The following NSDHL variants were observed in gnomAD, a reference collection of about 807,000 sequenced individuals.
The protein encoded by NSDHL is NAD(P) dependent 3-beta-hydroxysteroid dehydrogenase NSDHL, also known as sterol-4-alpha-carboxylate 3-dehydrogenase, decarboxylating.
NSDHL carries 1 observed loss-of-function variant against 23.0 expected under a neutral mutation model. The ratio of observed to expected loss-of-function variants is 0.04; its 90% CI spans 0.02 to 0.21. NSDHL has a LOEUF of 0.21. NSDHL is among the 10% of genes least tolerant of loss of function. The pLI is 1.00. For missense variants in NSDHL, 237 were observed against 300.9 expected (o/e 0.79, Z 1.57); for synonymous variants, 128 against 121.1 (o/e 1.06, Z -0.37).
intron 2 of NSDHL, among the ~76,000 whole-genome samples, chrX:152,849,256 C>T (rs1317629851): frequency 8.9e-6 from 1 of 112,108 alleles, no homozygotes; most frequent in Non-Finnish European, 1.9e-5. Context: ...AACATAATTT[C>T]TTTAAGATCT....
At chrX:152,839,880 A>G (rs1159050805) in intron 1 of NSDHL, among the ~76,000 whole-genome samples, 1 of 112,389 alleles carries the variant, frequency 8.9e-6, no homozygotes, top group Non-Finnish European at 1.9e-5. Flanking sequence ...CCTGGATAAT[A>G]TCCTGCAGAG....
At chrX:152,832,062 C>G (rs185381876) in intron 1 of NSDHL, among the ~76,000 whole-genome samples, 113 of 111,258 alleles carry the variant, frequency 1.0e-3, no homozygotes, top group African/African-American at 3.3e-3. Context: ...GTGTCCCCTT[C>G]CATCGCTCCA....
chrX:152,856,635 A>G (rs1556846975), intron 3 of NSDHL, among the ~76,000 whole-genome samples: 1 of 112,108 alleles, frequency 8.9e-6, no homozygotes. Context: ...GCACAAAATG[A>G]ATGGGGACCT....
intron 2 of NSDHL, 72 bp from the exon 3 acceptor site, chrX:152,850,193 A>T (rs1933333658): frequency 1.4e-5 from 15 of 1,047,342 alleles, no homozygotes; most frequent in Admixed American, 2.2e-5. Context: ...GGCTCATGAT[A>T]TGTAAGTCTG....
At chrX:152,864,625 C>T (rs1267256366) in intron 5 of NSDHL, among the ~76,000 whole-genome samples, 38 of 112,184 alleles carry the variant, frequency 3.4e-4, no homozygotes, top group East Asian at 5.6e-4. Flanking sequence ...TCCTTTCAGC[C>T]GAGGTTGACA....
chrX:152,837,272 T>C (rs1181582526), intron 1 of NSDHL, among the ~76,000 whole-genome samples: 3 of 111,872 alleles, frequency 2.7e-5, no homozygotes, highest in Non-Finnish European at 3.8e-5. Context: ...CTTTTCCTAA[T>C]TGAATACCCT....
chrX:152,864,873 C>A (rs943705029), intron 5 of NSDHL, among the ~76,000 whole-genome samples: 30 of 111,642 alleles, frequency 2.7e-4, no homozygotes, highest in African/African-American at 9.8e-4. Flanking sequence ...CTTAAGATCA[C>A]TGGGGCCAAA....
chrX:152,864,111 C>T (rs1174833006), intron 5 of NSDHL, among the ~76,000 whole-genome samples: 3 of 111,280 alleles, frequency 2.7e-5, no homozygotes, highest in Non-Finnish European at 3.8e-5. Flanking sequence ...GGGGTTTCAC[C>T]GTGTTGGTCG....
chrX:152,867,738 G>C, intron 7 of NSDHL, 65 bp downstream of exon 7: 9 of 829,016 alleles, frequency 1.1e-5, no homozygotes, highest in Non-Finnish European at 1.6e-5. Flanking sequence ...CTTGCCATTG[G>C]ATTTGCTGGC....
intron 1 of NSDHL, among the ~76,000 whole-genome samples, chrX:152,837,747 C>A (rs1226290613): frequency 9.0e-6 from 1 of 111,700 alleles, no homozygotes; most frequent in East Asian, 2.8e-4. Context: ...GGATATTGGT[C>A]TAAAATTCTC....
intron 1 of NSDHL, among the ~76,000 whole-genome samples, chrX:152,844,426 G>A (rs1431698713): frequency 1.8e-5 from 2 of 112,179 alleles, no homozygotes; most frequent in Non-Finnish European, 3.8e-5. Context: ...TGCTTAGCCC[G>A]GCTGGCCTAG....
At chrX:152,865,437 C>T (rs1221528055) in intron 5 of NSDHL, among the ~76,000 whole-genome samples, 3 of 112,901 alleles carry the variant, frequency 2.7e-5, no homozygotes, top group Non-Finnish European at 1.9e-5. Flanking sequence ...TGGAGGCTCA[C>T]GGCTAACTTG....
At chrX:152,842,251 A>G (rs1556844968) in intron 1 of NSDHL, among the ~76,000 whole-genome samples, 2 of 111,379 alleles carry the variant, frequency 1.8e-5, no homozygotes, top group African/African-American at 6.5e-5. Context: ...GCTGGATCCT[A>G]TTGTAATTCT....
chrX:152,854,064 G>C (rs1199317123), intron 3 of NSDHL, among the ~76,000 whole-genome samples: 1 of 112,220 alleles, frequency 8.9e-6, no homozygotes, highest in African/African-American at 3.2e-5. Flanking sequence ...CCCCTCAAAG[G>C]AGACGAGAAT....
chrX:152,868,757 A>G (rs781861404), intron 7 of NSDHL, 27 bp from the exon 8 acceptor site: 2 of 1,180,162 alleles, frequency 1.7e-6, no homozygotes, highest in East Asian at 3.0e-5. Context: ...TGGTGTTTCT[A>G]ACTTCTTGTT....
chrX:152,860,486 C>A (rs1309783900), intron 4 of NSDHL, among the ~76,000 whole-genome samples: 1 of 111,452 alleles, frequency 9.0e-6, no homozygotes, highest in Non-Finnish European at 1.9e-5. Context: ...GAGGCCAAGG[C>A]AGGAAGATCC....
chrX:152,836,578 GT>G (rs1212807804), intron 1 of NSDHL, among the ~76,000 whole-genome samples: 1 of 111,966 alleles, frequency 8.9e-6, no homozygotes, highest in Non-Finnish European at 1.9e-5. Flanking sequence ...CCCATTTCTT[GT>G]TTTTGTCAGG....
Position 152,869,031 on chromosome X carries a change from C to G in NSDHL, c.1037C>G (p.Ala346Gly), listed in dbSNP as rs782563536. The change falls in exon 8 of 8, where the codon GCC (alanine) becomes GGC (glycine). Residue 346 changes from alanine to glycine, a missense_variant. Physicochemically the swap from Ala to Gly is moderately conservative, Grantham distance 60 (BLOSUM62 0). Around this residue, in one of 3 missense-constraint regions of NSDHL, gnomAD observed 117 missense variants for 99.5 expected, o/e 1.18. Coordinates refer to ENST00000370274, the MANE Select transcript of NSDHL (RefSeq NM_015922.3). ...TACAGCTGCGAGAGAGCCAAAAAGG[C>G]CATGGGCTACCAGCCACTAGTGACC... The part of the protein sequence containing the change: ...HYYSCERAKK[A>G]MGYQPLVTMD... The G allele has an allele frequency of 8.3e-7, 1 of 1,211,824 alleles. No homozygotes were observed. Among genetic ancestry groups the G allele is most frequent in the Admixed American group, 2.2e-5 (1 of 46,107 alleles).
Position 152,869,568 on chromosome X carries a change from G to A in NSDHL, c.*452G>A. On this transcript the variant is annotated 3_prime_UTR_variant, in exon 8 of 8. Transcript: ENST00000370274. ...GATACTCTATCTTCAAAATATCCCA[G>A]AAGAAAAACAGAAGCTGTTAACACA... The A allele has an allele frequency of 5.8e-6, 1 of 171,193 alleles. No homozygotes were observed. The highest frequency in any genetic ancestry group is 1.2e-4 in the South Asian group (1 of 8,118). 14.1% of individuals were successfully genotyped at this position (171,193 alleles called of 1,213,427 possible). A position where few individuals can be genotyped will look rare whatever the true frequency, so the allele number is the denominator to read the frequency against.
Sources: gnomAD v4.1 joint callset for allele counts (sites outside exome capture counted in the v4.1 genomes callset) on GRCh38, gnomAD v4.1.1 for gene constraint, gnomAD v4.1.1 regional missense constraint, MANE v1.5 for transcripts, NCBI Gene and HGNC (gene_info 2026-07-23, HGNC 2026-07-21) for gene names.